The following KRT71 variants were observed in gnomAD, a reference collection of about 807,000 sequenced individuals.
The protein encoded by KRT71 is keratin, type II cytoskeletal 71.
Under a neutral mutation model 46.2 loss-of-function variants are expected in KRT71, and 42 were observed. The observed-to-expected ratio is 0.91, with a 90% confidence interval of 0.71 to 1.18. The LOEUF (loss-of-function observed/expected upper bound fraction) is 1.18, where lower values mean the gene tolerates loss of function less well. KRT71 is among the 50% of genes most tolerant of loss of function. The pLI is 0.00. For missense variants in KRT71, 708 were observed against 677.9 expected (o/e 1.04, Z -0.49); for synonymous variants, 292 against 277.8 (o/e 1.05, Z -0.51).
intron 2 of KRT71, among the ~76,000 whole-genome samples, 191 bp from the exon 3 acceptor site, chr12:52,549,544 A>G (rs573640565): frequency 6.6e-6 from 1 of 152,280 alleles, no homozygotes; most frequent in African/African-American, 2.4e-5. Context: ...GAAGAATGAG[A>G]CTGTTAAAGA....
At chr12:52,549,459 C>T in intron 2 of KRT71, 106 bp from the exon 3 acceptor site, 1 of 926,156 alleles carries the variant, frequency 1.1e-6, no homozygotes, top group Non-Finnish European at 1.8e-6. Context: ...GATACAGGTG[C>T]TGGGGGCCGC....
At chr12:52,551,439 C>A (rs1309968914) in intron 1 of KRT71, among the ~76,000 whole-genome samples, 1 of 152,206 alleles carries the variant, frequency 6.6e-6, no homozygotes, top group Non-Finnish European at 1.5e-5. Context: ...CACCCAGACC[C>A]CATCTCAGAA....
At chr12:52,546,647 C>T in intron 6 of KRT71, 141 bp from the exon 7 acceptor site, 1 of 818,274 alleles carries the variant, frequency 1.2e-6, no homozygotes, top group Non-Finnish European at 1.9e-6. Flanking sequence ...GCAGCAGAGC[C>T]CCTTCTGGGG....
At chr12:52,545,984 A>T (rs1336499512) in intron 7 of KRT71, among the ~76,000 whole-genome samples, 1 of 151,806 alleles carries the variant, frequency 6.6e-6, no homozygotes, top group Non-Finnish European at 1.5e-5. Context: ...AATGCCTAAT[A>T]GAGTAATGGG....
rs1939013708 is a variant in KRT71 at position 52,544,134 on chromosome 12, C to T, written c.*398G>A. ...AGTCCTCCTTTTCTTAAACACAGAG[C>T]CAGCTCCTGGCATAGGCAGGAACTA... On this transcript the variant is annotated 3_prime_UTR_variant, in exon 9 of 9. Coordinates refer to ENST00000267119, the MANE Select transcript of KRT71 (RefSeq NM_033448.3). The T allele has an allele frequency of 9.6e-6, 2 of 207,824 alleles. No homozygotes were observed. The highest frequency in any genetic ancestry group is 1.0e-4 in the Admixed American group (2 of 19,260). The allele number at this position is 207,824 out of a possible 1,614,324, so 12.9% of individuals were successfully genotyped here.
At chr12:52,552,582 C>T in intron 1 of KRT71, 55 bp downstream of exon 1, 1 of 1,518,920 alleles carries the variant, frequency 6.6e-7, no homozygotes, top group Non-Finnish European at 8.9e-7. Flanking sequence ...ATCGTATGTT[C>T]CAAGAAGAGA....
intron 6 of KRT71, among the ~76,000 whole-genome samples, chr12:52,547,245 AG>A (rs1279501293): frequency 1.3e-5 from 2 of 152,132 alleles, no homozygotes; most frequent in Non-Finnish European, 2.9e-5. Flanking sequence ...GTTGCCTCTC[AG>A]GGTCTTGGTG....
Position 52,548,178 on chromosome 12 carries a change from CG to C in KRT71, c.951del (p.Glu318ArgfsTer48). ...TTGGTCTGGTACAGGGCCTCAGCCT[CG>C]GCCTTACTCTTCAAGGCAATCTCCT... ...QYEEIALKSK[A>X]EAEALYQTKF... On this transcript the variant is annotated frameshift_variant, in exon 5 of 9. Transcript: ENST00000267119. LOFTEE classifies it high-confidence loss of function. 6.2e-7 allele frequency: 1 copy of C among 1,613,968 alleles called. No homozygotes were observed. The highest frequency in any genetic ancestry group is 8.5e-7 in the Non-Finnish European group (1 of 1,179,868).
Position 52,550,103 on chromosome 12 carries a change from C to T in KRT71, c.582G>A (p.Thr194=), listed in dbSNP as rs755015504. The stretch of plus-strand genomic sequence containing the variant: ...CCAGCCTCACCCTGTCCCCAGACAG[C>T]GTCTCCAGCTGCTTCCGCAGGTTGC... ...YISNLRKQLE[T]LSGDRVRLDS... The change falls in exon 2 of 9, where the codon ACG becomes ACA. Residue 194 remains threonine (T), a synonymous_variant. Coordinates refer to ENST00000267119, the MANE Select transcript of KRT71 (RefSeq NM_033448.3). The T allele has an allele frequency of 8.1e-6, 13 of 1,614,072 alleles. No homozygotes were observed. The highest frequency in any genetic ancestry group is 3.3e-5 in the South Asian group (3 of 91,084).
intron 6 of KRT71, among the ~76,000 whole-genome samples, chr12:52,547,538 T>C (rs1592204304): frequency 6.6e-6 from 1 of 152,288 alleles, no homozygotes; most frequent in East Asian, 1.9e-4. Flanking sequence ...TTCAGTCTAG[T>C]GGCAGTGTCA....
chr12:52,547,785 C>T (rs1238479408), intron 6 of KRT71, 72 bp downstream of exon 6: 4 of 1,565,600 alleles, frequency 2.6e-6, no homozygotes, highest in African/African-American at 1.4e-5. Context: ...GGCCCATGTT[C>T]TCAGCAGCTC....
At position 52,547,999 on chromosome 12, in the gene KRT71, A is replaced by G. The variant is rs937038882; in HGVS notation, c.979-17T>C. 6.3e-7 allele frequency: 1 copy of G among 1,583,202 alleles called. No homozygotes were observed. The highest frequency in any genetic ancestry group is 1.3e-5 in the African/African-American group (1 of 74,202). The stretch of plus-strand genomic sequence containing the variant: ...CTCTTGGAACTGGGGACCCCAAAGC[A>G]CAGAGTCATGAGTGTGTCGTGGGAG... On this transcript the variant is annotated splice_polypyrimidine_tract_variant and intron_variant, in intron 5 of 8. Transcript: ENST00000267119.
chr12:52,551,196 A>C (rs1054933844), intron 1 of KRT71, among the ~76,000 whole-genome samples: 9 of 152,202 alleles, frequency 5.9e-5, no homozygotes, highest in Non-Finnish European at 1.3e-4. Context: ...CTGGATGCCG[A>C]AAGGATTTAC....
chr12:52,550,488 C>G (rs73318366), intron 1 of KRT71, among the ~76,000 whole-genome samples: 1 of 152,340 alleles, frequency 6.6e-6, no homozygotes, highest in African/African-American at 2.4e-5. Context: ...TCCCTGTAAC[C>G]CGTGCATGCA....
chr12:52,544,450 G>T lies in KRT71; in HGVS notation c.*82C>A. 3 of 1,259,440 alleles carry T rather than the reference G, an allele frequency of 2.4e-6. 1 individual carries two copies. The highest frequency in any genetic ancestry group is 2.5e-5 in the South Asian group (2 of 79,978). The allele number at this position is 1,259,440 out of a possible 1,614,324, so 78.0% of individuals were successfully genotyped here. ...GAGCAGGACCAGCAGGGTGGAGATG[G>T]AGCTGAGAGTGGGCTGTGGGAAGTA... On this transcript the variant is annotated 3_prime_UTR_variant, in exon 9 of 9. Coordinates refer to ENST00000267119, the MANE Select transcript of KRT71 (RefSeq NM_033448.3).
In KRT71 at chr12:52,549,287, C is replaced by T. The variant is rs754730459; in HGVS notation, c.717+6G>A. The T allele has an allele frequency of 2.4e-5, 38 of 1,612,600 alleles. No individual in the cohort carries two copies. In the South Asian group the frequency reaches 3.2e-4, roughly 14 times the overall value. ...CCCCGGGACTCAGGGCCTGCCTTCC[C>T]CTCACCTTCTTGAGCAGCACAAACT... On this transcript the variant is annotated splice_donor_region_variant and intron_variant, in intron 3 of 8. Coordinates refer to ENST00000267119, the MANE Select transcript of KRT71 (RefSeq NM_033448.3).
At position 52,552,824 on chromosome 12, in the gene KRT71, C is replaced by A. The variant is rs1939196246; in HGVS notation, c.254G>T (p.Gly85Val). Residue 85 changes from glycine (G) to valine (V), a missense_variant, in exon 1 of 9, where the codon GGC becomes GTC. By Grantham distance (109) the Gly-to-Val change is moderately radical. Coordinates refer to ENST00000267119, the MANE Select transcript of KRT71 (RefSeq NM_033448.3). The part of the protein sequence containing the change: ...RASGFAGSMF[G>V]SVALGPVCPT... ...GCACACAGGCCCCAGGGCCACACTG[C>A]CAAACATGCTTCCAGCAAAGCCACT... 6.2e-7 allele frequency: 1 copy of A among 1,614,138 alleles called. No individual in the cohort carries two copies. The highest frequency in any genetic ancestry group is 8.5e-7 in the Non-Finnish European group (1 of 1,180,052).
In KRT71 at chr12:52,548,451, G is replaced by T. The variant is rs12308719; in HGVS notation, c.814-135C>A. 0.47 allele frequency: 503,187 copies of T among 1,061,668 alleles called. 126,673 individuals are homozygous for T. The highest frequency in any genetic ancestry group is 0.55 in the Middle Eastern group (2,507 of 4,532). 65.8% of individuals were successfully genotyped at this position (1,061,668 alleles called of 1,614,324 possible). ...CAAGGCTGCTGCCATCCAGGGCTGT[G>T]TGCTTTGCGGCAAAGCAAGTTCCCT... On this transcript the variant is annotated intron_variant, in intron 4 of 8. Coordinates refer to ENST00000267119, the MANE Select transcript of KRT71 (RefSeq NM_033448.3).
In KRT71 at chr12:52,546,502, G is replaced by C. The variant is rs754945341; in HGVS notation, c.1109C>G (p.Ser370Cys). The change falls in exon 7 of 9, where the codon TCC (serine) becomes TGC (cysteine). Residue 370 changes from serine to cysteine, a missense_variant. Ser to Cys is a moderately radical substitution (Grantham distance 112, BLOSUM62 -1). Transcript: ENST00000267119. ...ATCAGCGATGGCTGTCTCCAGGTTG[G>C]AAGCCTAAGGAAGGAATTGGTGAAG... ...SEIENVKKQASNLETAIADAE... is the reference protein window; with the variant it reads ...SEIENVKKQACNLETAIADAE... 1 of 1,613,376 alleles carries C rather than the reference G, an allele frequency of 6.2e-7. No homozygotes were observed. The highest frequency in any genetic ancestry group is 1.1e-5 in the South Asian group (1 of 91,034).
Sources: allele counts gnomAD v4.1 joint callset (sites outside exome capture counted in the v4.1 genomes callset), GRCh38; gene constraint gnomAD v4.1.1; transcripts MANE v1.5; gene names NCBI Gene and HGNC (gene_info 2026-07-23, HGNC 2026-07-21).